Variants in ST3GAL1 observed in about 807,000 individuals in gnomAD.
ST3GAL1 encodes the protein CMP-N-acetylneuraminate-beta-galactosamide-alpha-2,3-sialyltransferase 1.
Under a neutral mutation model 34.1 loss-of-function variants are expected in ST3GAL1, and 16 were observed. The ratio of observed to expected loss-of-function variants is 0.47; its 90% confidence interval spans 0.32 to 0.71. The LOEUF (loss-of-function observed/expected upper bound fraction) is 0.71, where lower values mean the gene tolerates loss of function less well. ST3GAL1 is among the 30% of genes least tolerant of loss of function. The pLI is 0.04. For missense variants in ST3GAL1, 353 were observed against 447.4 expected, an observed-to-expected ratio of 0.79 and a Z score of 1.90; for synonymous variants, 191 against 184.7, an observed-to-expected ratio of 1.03 and a Z score of -0.28.
At chr8:133,503,216 T>C (rs183129722) in intron 2 of ST3GAL1, among the ~76,000 whole-genome samples, 63 of 150,050 alleles carry the variant, frequency 4.2e-4, no homozygotes, top group African/African-American at 1.4e-3. Context: ...AAACACAGAG[T>C]TCCTTTTGCA....
In ST3GAL1 at chr8:133,466,118, A is replaced by G. The variant is rs1027388395; in HGVS notation, c.307-28T>C. On this transcript the variant is annotated intron_variant, in intron 5 of 9. Coordinates refer to ENST00000522652, the MANE Select transcript of ST3GAL1 (RefSeq NM_173344.3). This position sits in a 1 kb window ranked among gnomAD's most constrained non-coding sequence, Gnocchi z 4.4. The stretch of plus-strand genomic sequence containing the variant: ...GTGGGCGGAGGACAGAAGGTGGTCA[A>G]CCTGGCTTTGTGGCTCCAGCCTCCT... 20 of 1,587,880 alleles carry G rather than the reference A, an allele frequency of 1.3e-5. No homozygotes were observed. The highest frequency in any genetic ancestry group is 1.6e-5 in the Non-Finnish European group (19 of 1,163,612).
intron 2 of ST3GAL1, among the ~76,000 whole-genome samples, chr8:133,542,980 T>C (rs1007631664): frequency 3.9e-5 from 6 of 152,246 alleles, no homozygotes; most frequent in Middle Eastern, 6.8e-3. Context: ...TAATCAGAAA[T>C]CTACACAATC....
intron 2 of ST3GAL1, among the ~76,000 whole-genome samples, chr8:133,524,865 G>A (rs1018784495): frequency 3.9e-5 from 6 of 152,256 alleles, no homozygotes; most frequent in Non-Finnish European, 8.8e-5. Context: ...GGTGGCACCC[G>A]GAAGCTTGGA....
chr8:133,544,837 G>A (rs11785849), intron 2 of ST3GAL1, among the ~76,000 whole-genome samples: 23,922 of 152,172 alleles, frequency 0.16, 2,007 homozygotes, highest in East Asian at 0.31. Context: ...CAGTGTGCAC[G>A]ACAGAGAGAG....
intron 2 of ST3GAL1, chr8:133,544,215 C>T (rs144441675): frequency 6.6e-6 from 1 of 152,282 alleles, no homozygotes; most frequent in African/African-American, 2.4e-5. Context: ...CCCTTCCATA[C>T]AAACTGTGCA....
chr8:133,478,745 C>A (rs1156419410), intron 3 of ST3GAL1, among the ~76,000 whole-genome samples: 2 of 152,118 alleles, frequency 1.3e-5, no homozygotes, highest in Non-Finnish European at 1.5e-5. Flanking sequence ...GAGTTAGGGG[C>A]CTCTCCTGGC....
chr8:133,487,284 A>G (rs1816641175), intron 3 of ST3GAL1, among the ~76,000 whole-genome samples: 2 of 100,932 alleles, frequency 2.0e-5, no homozygotes, highest in African/African-American at 3.4e-5. Context: ...ATTGGAAACA[A>G]TACTATTGGT....
intron 2 of ST3GAL1, among the ~76,000 whole-genome samples, chr8:133,528,525 T>C (rs1818043140): frequency 6.6e-6 from 1 of 152,204 alleles, no homozygotes; most frequent in Non-Finnish European, 1.5e-5. Flanking sequence ...ACAAGCTGTT[T>C]CCCTCTACAG....
intron 3 of ST3GAL1, among the ~76,000 whole-genome samples, chr8:133,492,826 C>T (rs1816824590): frequency 1.3e-5 from 2 of 152,222 alleles, no homozygotes; most frequent in Non-Finnish European, 2.9e-5. Flanking sequence ...TGGATGGCGC[C>T]CATACCCCAC....
At chr8:133,551,104 C>T (rs1818823220) in intron 1 of ST3GAL1, among the ~76,000 whole-genome samples, 1 of 152,184 alleles carries the variant, frequency 6.6e-6, no homozygotes, top group African/African-American at 2.4e-5. Context: ...GTGGGCATGA[C>T]ATGTTCCATC....
chr8:133,524,426 C>A (rs563830307), intron 2 of ST3GAL1, among the ~76,000 whole-genome samples: 6 of 152,144 alleles, frequency 3.9e-5, no homozygotes, highest in Non-Finnish European at 8.8e-5. Context: ...CCTGATGTCA[C>A]AGGATCCTTG....
chr8:133,473,948 A>G (rs1002602813), intron 5 of ST3GAL1, among the ~76,000 whole-genome samples: 1 of 152,170 alleles, frequency 6.6e-6, no homozygotes, highest in African/African-American at 2.4e-5. Flanking sequence ...GATCTTTGAA[A>G]GGGAAAAGAC....
At chr8:133,474,831 C>T (rs1816107240) in intron 5 of ST3GAL1, among the ~76,000 whole-genome samples, 1 of 152,166 alleles carries the variant, frequency 6.6e-6, no homozygotes, top group Non-Finnish European at 1.5e-5. Context: ...GTTTCTATGA[C>T]AAACCTCATT....
At position 133,462,013 on chromosome 8, in the gene ST3GAL1, A is replaced by G. The variant is rs1815530326; in HGVS notation, c.730-19T>C. The G allele has an allele frequency of 6.2e-7, 1 of 1,613,868 alleles. No homozygotes were observed. Among genetic ancestry groups the G allele is most frequent in the Admixed American group, 1.7e-5 (1 of 59,996 alleles). On this transcript the variant is annotated intron_variant, in intron 8 of 9. Coordinates refer to ENST00000522652, the MANE Select transcript of ST3GAL1 (RefSeq NM_173344.3). The stretch of plus-strand genomic sequence containing the variant: ...TCAGGATCTGCGGGGATGGGAAGAC[A>G]CGGCCCTTAGTGAGTTCTGGGGGGC...
chr8:133,492,455 T>C (rs1010309734), intron 3 of ST3GAL1, among the ~76,000 whole-genome samples: 2 of 152,188 alleles, frequency 1.3e-5, no homozygotes, highest in African/African-American at 4.8e-5. Flanking sequence ...GCGTGGTGGC[T>C]CAAGCCTGTA....
At chr8:133,555,336 C>T (rs933459680) in intron 1 of ST3GAL1, among the ~76,000 whole-genome samples, 1 of 152,170 alleles carries the variant, frequency 6.6e-6, no homozygotes, top group African/African-American at 2.4e-5. Flanking sequence ...CTCCCCAGTC[C>T]TCTCAGCCAC....
At chr8:133,485,841 G>A (rs1399515578) in intron 3 of ST3GAL1, among the ~76,000 whole-genome samples, 1 of 152,110 alleles carries the variant, frequency 6.6e-6, no homozygotes, top group Non-Finnish European at 1.5e-5. Context: ...CAAGGGGTGG[G>A]GGGCTGTTTG....
intron 5 of ST3GAL1, among the ~76,000 whole-genome samples, chr8:133,474,987 A>G (rs1341195723): frequency 6.6e-6 from 1 of 152,234 alleles, no homozygotes; most frequent in Non-Finnish European, 1.5e-5. Flanking sequence ...AGTGGCTCCC[A>G]AAAAGATACG....
Position 133,476,084 on chromosome 8 carries a change from G to A in ST3GAL1, c.-50-10C>T. On this transcript the variant is annotated splice_polypyrimidine_tract_variant and intron_variant, in intron 4 of 9. Coordinates refer to ENST00000522652, the MANE Select transcript of ST3GAL1 (RefSeq NM_173344.3). ...TAGCAGGAACTCCCTCCTAAGAGAG[G>A]AGAAAAATGGAAGAAAAATCCCAGA... 6.7e-7 allele frequency: 1 copy of A among 1,499,154 alleles called. No individual in the cohort carries two copies. Among genetic ancestry groups the A allele is most frequent in the Non-Finnish European group, 8.9e-7 (1 of 1,121,122 alleles). The allele number at this position is 1,499,154 out of a possible 1,614,324, so 92.9% of individuals were successfully genotyped here.
Sources: allele counts gnomAD v4.1 joint callset (sites outside exome capture counted in the v4.1 genomes callset), GRCh38; gene constraint gnomAD v4.1.1; non-coding constraint Gnocchi (gnomAD v3.1); transcripts MANE v1.5; gene names NCBI Gene and HGNC (gene_info 2026-07-23, HGNC 2026-07-21).